NEO1: variants seen among roughly 807,000 people sequenced by gnomAD.
NEO1 encodes the protein neogenin 1, also known as neogenin.
NEO1 carries 63 observed loss-of-function variants against 159.7 expected under a neutral mutation model. That is an observed-to-expected ratio of 0.39 (90% CI 0.32 to 0.49). NEO1 has a LOEUF of 0.49. Ranked by LOEUF, NEO1 falls within the 20% of genes least tolerant of loss-of-function variation. The probability of loss-of-function intolerance (pLI) is 0.85; values close to 1 mark genes in which losing one functional copy is unlikely to be tolerated. For missense variants in NEO1, 1,615 were observed against 1,831.0 expected (o/e 0.88, Z 2.15); for synonymous variants, 633 against 662.0 (o/e 0.96, Z 0.67).
chr15:73,085,801 A>G (rs891123637), intron 1 of NEO1, among the ~76,000 whole-genome samples: 4 of 152,112 alleles, frequency 2.6e-5, no homozygotes, highest in African/African-American at 9.7e-5. Flanking sequence ...CATTAAGAAA[A>G]TTGGGGTTGT....
intron 5 of NEO1, among the ~76,000 whole-genome samples, chr15:73,145,123 A>G (rs1453807082): frequency 6.6e-6 from 1 of 152,244 alleles, no homozygotes; most frequent in Non-Finnish European, 1.5e-5. Context: ...AATAAGAACA[A>G]GATTAATATC....
chr15:73,284,163 A>G (rs1013029336), intron 23 of NEO1, among the ~76,000 whole-genome samples: 10 of 78,172 alleles, frequency 1.3e-4, no homozygotes, highest in South Asian at 5.3e-4. Context: ...AAATAGATAG[A>G]AAAAAAAAAG....
chr15:73,156,150 T>C (rs903842918), intron 5 of NEO1, among the ~76,000 whole-genome samples: 1 of 152,226 alleles, frequency 6.6e-6, no homozygotes, highest in Non-Finnish European at 1.5e-5. Context: ...ATAATGTTGA[T>C]TGGATAGGGC....
chr15:73,185,054 G>A lies in NEO1; in HGVS notation c.1291+6627G>A, dbSNP rs187767896. ...AATTTGAAAGGGCTAAAAACCGTGT[G>A]ATTCCAACTACATGACATTCTAGAA... On this transcript the variant is annotated intron_variant, in intron 7 of 28. Coordinates refer to ENST00000261908, the MANE Select transcript of NEO1 (RefSeq NM_002499.4). 1.1e-4 allele frequency among the ~76,000 whole-genome samples: 17 copies of A among 152,308 alleles called. 1 individual carries two copies. Among genetic ancestry groups the A allele is most frequent in the Admixed American group, 1.0e-3 (16 of 15,296 alleles).
intron 1 of NEO1, among the ~76,000 whole-genome samples, chr15:73,093,735 G>A (rs555287286): frequency 7.2e-5 from 11 of 151,816 alleles, no homozygotes; most frequent in African/African-American, 2.4e-4. Context: ...TACCAACCAC[G>A]CCTGGCTAAT....
chr15:73,252,939 G>A (rs1038710794), intron 11 of NEO1, among the ~76,000 whole-genome samples: 6 of 152,192 alleles, frequency 3.9e-5, no homozygotes, highest in South Asian at 2.1e-4. Flanking sequence ...GCTGTGAGCC[G>A]ACATCACGCC....
chr15:73,109,693 A>G (rs2070870741), intron 1 of NEO1, among the ~76,000 whole-genome samples: 1 of 152,198 alleles, frequency 6.6e-6, no homozygotes, highest in South Asian at 2.1e-4. Context: ...ATGATCCTGA[A>G]CAAGAATTTT....
intron 7 of NEO1, among the ~76,000 whole-genome samples, chr15:73,218,398 G>T (rs1340089702): frequency 3.3e-5 from 5 of 151,670 alleles, no homozygotes; most frequent in Non-Finnish European, 7.4e-5. Context: ...TTTTTTGGTT[G>T]TGTCTCTGCC....
At chr15:73,269,984 C>T in intron 16 of NEO1, 26 bp from the exon 17 acceptor site, 1 of 1,560,306 alleles carries the variant, frequency 6.4e-7, no homozygotes, top group Non-Finnish European at 8.8e-7. Flanking sequence ...AATGCCACTT[C>T]CCTTTTTAAA....
At chr15:73,186,952 T>C (rs1397859313) in intron 7 of NEO1, among the ~76,000 whole-genome samples, 1 of 152,208 alleles carries the variant, frequency 6.6e-6, no homozygotes, top group Non-Finnish European at 1.5e-5. Flanking sequence ...AAGTAGCAGG[T>C]CCTAATATGC....
chr15:73,293,927 G>A (rs907742508), intron 26 of NEO1, among the ~76,000 whole-genome samples: 5 of 152,144 alleles, frequency 3.3e-5, no homozygotes, highest in South Asian at 2.1e-4. Context: ...GGCAGTCACT[G>A]TAACATTGGG....
intron 5 of NEO1, among the ~76,000 whole-genome samples, chr15:73,159,560 T>TATGTA (rs1291050704): frequency 1.3e-5 from 2 of 152,140 alleles, no homozygotes; most frequent in Admixed American, 6.5e-5. Flanking sequence ...ACTAATGGTA[T>TATGTA]ATGTAGCTCA....
At chr15:73,191,291 A>G (rs2036223248) in intron 7 of NEO1, among the ~76,000 whole-genome samples, 1 of 152,122 alleles carries the variant, frequency 6.6e-6, no homozygotes, top group Non-Finnish European at 1.5e-5. Flanking sequence ...AATATATGTA[A>G]AGCATTTTGT....
chr15:73,067,375 C>G (rs1392999855), intron 1 of NEO1, among the ~76,000 whole-genome samples: 3 of 151,532 alleles, frequency 2.0e-5, no homozygotes, highest in African/African-American at 7.3e-5. Context: ...TTTCAAATGT[C>G]TGTTTGTGGT....
chr15:73,218,244 A>G (rs1295652634), intron 7 of NEO1, among the ~76,000 whole-genome samples: 1 of 150,974 alleles, frequency 6.6e-6, no homozygotes, highest in Admixed American at 6.6e-5. Flanking sequence ...ATTTGCGTAT[A>G]TTGAACCAGC....
intron 1 of NEO1, among the ~76,000 whole-genome samples, chr15:73,067,616 A>ATT (rs754677748): frequency 2.2e-5 from 2 of 92,728 alleles, no homozygotes; most frequent in Non-Finnish European, 4.5e-5. Flanking sequence ...CGCCCAGCTA[A>ATT]TTTTTTTTTT....
At chr15:73,052,997 A>C in intron 1 of NEO1, among the ~76,000 whole-genome samples, 192 bp downstream of exon 1, 1 of 114,242 alleles carries the variant, frequency 8.8e-6, no homozygotes, top group Non-Finnish European at 1.9e-5. Flanking sequence ...CCACCGGGGA[A>C]GGGGCGGCTG....
chr15:73,097,175 A>G (rs2070095068), intron 1 of NEO1, among the ~76,000 whole-genome samples: 1 of 152,144 alleles, frequency 6.6e-6, no homozygotes, highest in Admixed American at 6.5e-5. Context: ...AGATGGCTAA[A>G]TTCTTAGGAC....
chr15:73,265,044 A>T (rs1046182842), intron 15 of NEO1, among the ~76,000 whole-genome samples: 5 of 152,196 alleles, frequency 3.3e-5, no homozygotes, highest in African/African-American at 7.2e-5. Context: ...AAACAGGAAG[A>T]GTGGGATGTG....
Sources: gnomAD v4.1 joint callset for allele counts (sites outside exome capture counted in the v4.1 genomes callset) on GRCh38, gnomAD v4.1.1 for gene constraint, MANE v1.5 for transcripts, NCBI Gene and HGNC (gene_info 2026-07-23, HGNC 2026-07-21) for gene names.